Variants in PCDHGA4 observed in about 807,000 individuals in gnomAD.
The protein encoded by PCDHGA4 is protocadherin gamma-A4.
A neutral mutation model predicts 54.6 loss-of-function variants in PCDHGA4; 38 were observed. The observed-to-expected ratio is 0.70, with a 90% CI of 0.54 to 0.91. PCDHGA4 has a LOEUF of 0.91. Among genes scored for constraint, PCDHGA4 ranks in the 40% least tolerant of loss-of-function variants. PCDHGA4 has a pLI of 0.00. For missense variants in PCDHGA4, 1,298 were observed against 1,220.9 expected, an observed-to-expected ratio of 1.06 and a Z score of -0.94; for synonymous variants, 511 against 512.9, an observed-to-expected ratio of 1.00 and a Z score of 0.05.
rs747588958 is a variant in PCDHGA4 at position 141,370,424 on chromosome 5, A to C, written c.2514+12803A>C. 5 of 1,587,984 alleles carry C rather than the reference A, an allele frequency of 3.1e-6. No individual in the cohort carries two copies. The South Asian group carries it at 4.6e-5, about 15-fold the overall frequency. The stretch of plus-strand genomic sequence containing the variant: ...GAAATAGCTCCGGATGGAGGGGCCC[A>C]GCAGGGCAGAGGCGAATGCTATTTC... On this transcript the variant is annotated intron_variant, in intron 1 of 3. Transcript: ENST00000571252.
chr5:141,372,826 C>T lies in PCDHGA4; in HGVS notation c.2514+15205C>T, dbSNP rs376912168. 327 of 1,554,742 alleles carry T rather than the reference C, an allele frequency of 2.1e-4. 8 individuals are homozygous for T. The South Asian group carries it at 3.7e-3, about 18-fold the overall frequency. ...TTGCAAAAGGTGAGTTTCTTCAAAC[C>T]TTTCCTTCCATAAATATAATTGGGT... is the stretch of plus-strand genomic sequence containing the variant. On this transcript the variant is annotated intron_variant, in intron 1 of 3. Coordinates refer to ENST00000571252, the MANE Select transcript of PCDHGA4 (RefSeq NM_018917.4).
chr5:141,371,294 A>T, intron 1 of PCDHGA4: 2 of 1,614,012 alleles, frequency 1.2e-6, no homozygotes, highest in Non-Finnish European at 1.7e-6. Flanking sequence ...AAACGGGGGA[A>T]CTCACCACTA....
chr5:141,477,565 C>T lies in PCDHGA4; in HGVS notation c.2515-17242C>T, dbSNP rs1168703868. 3.1e-6 allele frequency: 5 copies of T among 1,614,146 alleles called. No homozygotes were observed. The highest frequency in any genetic ancestry group is 4.2e-6 in the Non-Finnish European group (5 of 1,180,030). On this transcript the variant is annotated intron_variant, in intron 1 of 3. Transcript: ENST00000571252. The surrounding 1 kb of genome is among the most constrained non-coding windows in gnomAD (Gnocchi z 4.9). ...CAATACTAAACCTAAGTGTCTGGGA[C>T]CCCGACGCCCCGCAGAATGCTCGGC... is the stretch of plus-strand genomic sequence containing the variant.
chr5:141,458,404 G>A lies in PCDHGA4; in HGVS notation c.2515-36403G>A, dbSNP rs183963289. Among the ~76,000 whole-genome samples the A allele has an allele frequency of 4.6e-5, 7 of 152,218 alleles. No homozygotes were observed. The East Asian group carries it at 5.8e-4, about 13-fold the overall frequency. ...GGAAGACGCTCCCCCTTGCAGAGAC[G>A]GAGCGGGGGTTCCAAAGCTGAAAGA... On this transcript the variant is annotated intron_variant, in intron 1 of 3. Transcript: ENST00000571252.
Position 141,491,522 on chromosome 5 carries a change from A to G in PCDHGA4, c.2515-3285A>G, listed in dbSNP as rs778246278. ...TCGGACGGCACGCTCAAGTACATGG[A>G]GGTGACGCTGCGGCCCACAGACTCG... is the stretch of plus-strand genomic sequence containing the variant. On this transcript the variant is annotated intron_variant, in intron 1 of 3. Coordinates refer to ENST00000571252, the MANE Select transcript of PCDHGA4 (RefSeq NM_018917.4). The surrounding 1 kb of genome is among the most constrained non-coding windows in gnomAD (Gnocchi z 6.9). 8.1e-6 allele frequency: 13 copies of G among 1,614,024 alleles called. No homozygotes were observed. Among genetic ancestry groups the G allele is most frequent in the Non-Finnish European group, 1.1e-5 (13 of 1,180,002 alleles).
At chr5:141,410,752 GT>G (rs2095421794) in intron 1 of PCDHGA4, 1 of 1,130,824 alleles carries the variant, frequency 8.8e-7, no homozygotes, top group Non-Finnish European at 1.2e-6. Context: ...TTTTCTCAAT[GT>G]TTTTTCAATT....
At chr5:141,370,922 G>A (rs563952977) in intron 1 of PCDHGA4, 14 of 1,613,978 alleles carry the variant, frequency 8.7e-6, no homozygotes, top group South Asian at 5.5e-5. Flanking sequence ...GCCCTGATCC[G>A]CACTTCTCTT....
At chr5:141,387,197 T>C (rs1417433412) in intron 1 of PCDHGA4, among the ~76,000 whole-genome samples, 1 of 152,220 alleles carries the variant, frequency 6.6e-6, no homozygotes, top group East Asian at 1.9e-4. Flanking sequence ...AATTTTGGTA[T>C]TACTGATACT....
chr5:141,431,003 G>T lies in PCDHGA4; in HGVS notation c.2515-63804G>T, dbSNP rs2097334899. ...GCTTTTCGCCCTGAATCCGCGCAGC[G>T]GCAGCTTGGTCACGGCGGGCAGGAT... On this transcript the variant is annotated intron_variant, in intron 1 of 3. Coordinates refer to ENST00000571252, the MANE Select transcript of PCDHGA4 (RefSeq NM_018917.4). This position sits in a 1 kb window ranked among gnomAD's most constrained non-coding sequence, Gnocchi z 4.8. 1.9e-6 allele frequency: 3 copies of T among 1,613,960 alleles called. No homozygotes were observed. The highest frequency in any genetic ancestry group is 2.5e-6 in the Non-Finnish European group (3 of 1,179,982).
chr5:141,408,667 C>T, intron 1 of PCDHGA4: 1 of 1,613,954 alleles, frequency 6.2e-7, no homozygotes, highest in Non-Finnish European at 8.5e-7. Flanking sequence ...TATCGCTTGA[C>T]CCTGCCACGG....
At chr5:141,436,181 T>C (rs1050736907) in intron 1 of PCDHGA4, among the ~76,000 whole-genome samples, 2 of 152,092 alleles carry the variant, frequency 1.3e-5, no homozygotes, top group African/African-American at 4.8e-5. Flanking sequence ...TCATATATAG[T>C]CAAATAGAAA....
intron 1 of PCDHGA4, chr5:141,419,102 A>G (rs201327680): frequency 4.5e-5 from 73 of 1,613,748 alleles, no homozygotes; most frequent in Non-Finnish European, 5.9e-5. Flanking sequence ...TCGGGAGCAG[A>G]CCCCAGAGTA....
Position 141,357,490 on chromosome 5 carries a change from C to T in PCDHGA4, c.2383C>T (p.Arg795Trp). 1 of 1,614,218 alleles carries T rather than the reference C, an allele frequency of 6.2e-7. No homozygotes were observed. Among genetic ancestry groups the T allele is most frequent in the Non-Finnish European group, 8.5e-7 (1 of 1,180,048 alleles). Residue 795 changes from arginine (R) to tryptophan (W), a missense_variant, in exon 1 of 4, where the codon CGG becomes TGG. Transcript: ENST00000571252. ...SHEVSLTADS[R>W]KSHLIFSQPS... Reference sequence around the variant, plus strand: ...CGAGGTCTCCCTCACCGCGGACTCGCGGAAGAGTCACCTGATCTTCTCCCA... The same window carrying T: ...CGAGGTCTCCCTCACCGCGGACTCGTGGAAGAGTCACCTGATCTTCTCCCA...
Position 141,431,297 on chromosome 5 carries a change from C to G in PCDHGA4, c.2515-63510C>G. Reference sequence around the variant, plus strand: ...GCTCAGCCCGAACACTCACTTCTCCCTCATCGTGCAAAATGGAGCCGACGG... The same window carrying G: ...GCTCAGCCCGAACACTCACTTCTCCGTCATCGTGCAAAATGGAGCCGACGG... On this transcript the variant is annotated intron_variant, in intron 1 of 3. Transcript: ENST00000571252. The surrounding 1 kb of genome is among the most constrained non-coding windows in gnomAD (Gnocchi z 4.8). The G allele has an allele frequency of 6.2e-7, 1 of 1,614,126 alleles. No individual in the cohort carries two copies. The highest frequency in any genetic ancestry group is 8.5e-7 in the Non-Finnish European group (1 of 1,180,036).
At chr5:141,438,649 CACATATATGTAT>C (rs1346265042) in intron 1 of PCDHGA4, among the ~76,000 whole-genome samples, 20 of 100,970 alleles carry the variant, frequency 2.0e-4, no homozygotes, top group Admixed American at 2.1e-4. Flanking sequence ...CACACACACA[CACATATATGTAT>C]ATATATATTT....
At chr5:141,478,044 C>T in intron 1 of PCDHGA4, 2 of 1,614,184 alleles carry the variant, frequency 1.2e-6, no homozygotes, top group South Asian at 1.1e-5. Flanking sequence ...CCCAGGCAGA[C>T]TCTCACGGTC....
In PCDHGA4 at chr5:141,489,189, C is replaced by A; in HGVS notation, c.2515-5618C>A. 1 of 1,341,534 alleles carries A rather than the reference C, an allele frequency of 7.5e-7. No homozygotes were observed. The highest frequency in any genetic ancestry group is 1.0e-6 in the Non-Finnish European group (1 of 975,280). 83.1% of individuals were successfully genotyped at this position (1,341,534 alleles called of 1,614,324 possible). A position where few individuals can be genotyped will look rare whatever the true frequency, so the allele number is the denominator to read the frequency against. On this transcript the variant is annotated intron_variant, in intron 1 of 3. Transcript: ENST00000571252. This position sits in a 1 kb window ranked among gnomAD's most constrained non-coding sequence, Gnocchi z 4.5. ...TGCTGCATTCCAAGCCCTGGGTCTA[C>A]CTTGGAGACAGGACAGCACAGACTT...
intron 1 of PCDHGA4, among the ~76,000 whole-genome samples, chr5:141,472,527 G>A (rs905459978): frequency 1.3e-5 from 2 of 151,468 alleles, no homozygotes; most frequent in African/African-American, 4.9e-5. Flanking sequence ...GTGACAGAGT[G>A]AGACACCATC....
intron 1 of PCDHGA4, among the ~76,000 whole-genome samples, chr5:141,448,040 C>T (rs892207188): frequency 6.6e-6 from 1 of 151,850 alleles, no homozygotes; most frequent in Admixed American, 6.6e-5. Context: ...GAGCCAAGAT[C>T]ATGCCATTGC....
Sources: allele counts gnomAD v4.1 joint callset (sites outside exome capture counted in the v4.1 genomes callset), GRCh38; gene constraint gnomAD v4.1.1; non-coding constraint Gnocchi (gnomAD v3.1); transcripts MANE v1.5; gene names NCBI Gene and HGNC (gene_info 2026-07-23, HGNC 2026-07-21).